Variants in GRID2 observed in about 807,000 individuals in gnomAD.
GRID2 encodes the protein glutamate ionotropic receptor delta type subunit 2.
In GRID2, 33 loss-of-function variants were observed where a neutral mutation model predicts 114.8. That is an observed-to-expected ratio of 0.29 (90% CI 0.22 to 0.38). The LOEUF (loss-of-function observed/expected upper bound fraction) is 0.38. Among genes scored for constraint, GRID2 ranks in the 10% least tolerant of loss-of-function variants. GRID2 has a pLI of 1.00. For synonymous variants in GRID2, 505 were observed against 449.9 expected (o/e 1.12, Z -1.55); for missense variants, 1,184 against 1,257.7 (o/e 0.94, Z 0.89).
At position 92,881,251 on chromosome 4, in the gene GRID2, A is replaced by G. The variant is rs1003991886; in HGVS notation, c.245-203744A>G. On this transcript the variant is annotated intron_variant, in intron 2 of 15. Coordinates refer to ENST00000282020, the MANE Select transcript of GRID2 (RefSeq NM_001510.4). ...ATACACTCACTCATTCACCAATTCAATGTTATAGTTCTCAGAGCTCGCCAC... is the reference window on the plus strand; with the variant it reads ...ATACACTCACTCATTCACCAATTCAGTGTTATAGTTCTCAGAGCTCGCCAC... 3.9e-5 allele frequency among the ~76,000 whole-genome samples: 6 copies of G among 152,222 alleles called. 1 individual carries two copies. Among genetic ancestry groups the G allele is most frequent in the Admixed American group, 6.5e-5 (1 of 15,276 alleles).
intron 8 of GRID2, among the ~76,000 whole-genome samples, chr4:93,293,223 T>C (rs1413862909): frequency 6.6e-6 from 1 of 152,062 alleles, no homozygotes; most frequent in East Asian, 1.9e-4. Context: ...AACACTGGAG[T>C]CACTAAGTCA....
At chr4:92,618,961 A>G (rs1730140174) in intron 2 of GRID2, among the ~76,000 whole-genome samples, 2 of 151,624 alleles carry the variant, frequency 1.3e-5, no homozygotes. Flanking sequence ...CTGTCTTCTG[A>G]GAGTGGGGAC....
intron 8 of GRID2, among the ~76,000 whole-genome samples, chr4:93,316,755 C>T (rs1045536030): frequency 6.6e-6 from 1 of 152,132 alleles, no homozygotes. Context: ...GAAAGGAGAG[C>T]AACAGTGGGC....
At chr4:93,224,840 G>A in intron 7 of GRID2, 65 bp downstream of exon 7, 1 of 1,152,494 alleles carries the variant, frequency 8.7e-7, no homozygotes, top group Non-Finnish European at 1.3e-6. Flanking sequence ...TTTAGAAAAA[G>A]GGTTTCCTCT....
intron 10 of GRID2, among the ~76,000 whole-genome samples, chr4:93,427,319 C>T (rs145848638): frequency 6.6e-6 from 1 of 151,914 alleles, no homozygotes; most frequent in East Asian, 1.9e-4. Flanking sequence ...GATGGAGCTC[C>T]AGAAAAGCAA....
chr4:92,831,488 A>G (rs1478775765), intron 2 of GRID2, among the ~76,000 whole-genome samples: 2 of 150,588 alleles, frequency 1.3e-5, no homozygotes, highest in Admixed American at 1.3e-4. Context: ...TCAAATGCCA[A>G]TTTCGTTTTT....
intron 13 of GRID2, among the ~76,000 whole-genome samples, chr4:93,575,582 G>A (rs957295079): frequency 6.6e-6 from 1 of 151,968 alleles, no homozygotes; most frequent in African/African-American, 2.4e-5. Context: ...TGCAAAATGA[G>A]GATAATAATG....
intron 8 of GRID2, among the ~76,000 whole-genome samples, chr4:93,262,296 G>A (rs1750343247): frequency 6.6e-6 from 1 of 151,770 alleles, no homozygotes; most frequent in Admixed American, 6.6e-5. Context: ...CCTCACATAG[G>A]ACTTCACTCT....
chr4:93,257,999 TACACAC>T (rs3970979), intron 8 of GRID2, among the ~76,000 whole-genome samples: 399 of 35,986 alleles, frequency 0.011, 4 homozygotes, highest in African/African-American at 0.034. Context: ...TATATATATA[TACACAC>T]ACACACACAC....
chr4:92,689,912 T>C (rs1315235142), intron 2 of GRID2, among the ~76,000 whole-genome samples: 1 of 152,150 alleles, frequency 6.6e-6, no homozygotes, highest in Non-Finnish European at 1.5e-5. Context: ...TTGAAGAGAG[T>C]TAGGGCCTTA....
intron 13 of GRID2, among the ~76,000 whole-genome samples, chr4:93,567,786 C>T (rs1356159498): frequency 1.3e-5 from 2 of 152,164 alleles, no homozygotes; most frequent in Non-Finnish European, 2.9e-5. Flanking sequence ...GGGTCACTGC[C>T]ATGCTCCCAG....
chr4:93,769,117 C>A, intron 14 of GRID2, 93 bp from the exon 15 acceptor site: 1 of 1,202,310 alleles, frequency 8.3e-7, no homozygotes, highest in Non-Finnish European at 1.2e-6. Flanking sequence ...TGACAGCCAC[C>A]ATCCTACAGA....
chr4:93,001,150 C>T (rs935934183), intron 2 of GRID2, among the ~76,000 whole-genome samples: 17 of 151,500 alleles, frequency 1.1e-4, no homozygotes, highest in African/African-American at 3.6e-4. Flanking sequence ...ACAATGATTA[C>T]AATTTTTCCT....
chr4:93,455,623 C>T, intron 10 of GRID2, 39 bp from the exon 11 acceptor site: 1 of 1,377,012 alleles, frequency 7.3e-7, no homozygotes, highest in African/African-American at 1.4e-5. Context: ...AATTGTTTTT[C>T]ACACTGTTAA....
At chr4:93,098,350 G>A (rs1227711997) in intron 3 of GRID2, among the ~76,000 whole-genome samples, 1 of 151,948 alleles carries the variant, frequency 6.6e-6, no homozygotes, top group African/African-American at 2.4e-5. Context: ...TTATGGTATT[G>A]AAAGAGGCTC....
chr4:93,066,765 A>C (rs1343461516), intron 2 of GRID2, among the ~76,000 whole-genome samples: 2 of 151,938 alleles, frequency 1.3e-5, no homozygotes, highest in African/African-American at 4.8e-5. Flanking sequence ...GAAGCACCTT[A>C]CAGTTTGTCT....
At chr4:93,336,859 G>C (rs1759143843) in intron 8 of GRID2, among the ~76,000 whole-genome samples, 1 of 151,320 alleles carries the variant, frequency 6.6e-6, no homozygotes, top group Admixed American at 6.6e-5. Flanking sequence ...TTCTTTGTTT[G>C]GTTCTTTATT....
At chr4:93,477,098 T>C (rs997054163) in intron 11 of GRID2, among the ~76,000 whole-genome samples, 1 of 152,020 alleles carries the variant, frequency 6.6e-6, no homozygotes, top group Non-Finnish European at 1.5e-5. Context: ...AGGGCCTTCA[T>C]GCTGCATCAT....
chr4:92,924,423 G>A (rs939602416), intron 2 of GRID2, among the ~76,000 whole-genome samples: 6 of 151,356 alleles, frequency 4.0e-5, no homozygotes, highest in Admixed American at 1.3e-4. Flanking sequence ...GAAATTATTC[G>A]GTCCTCTAAA....
Sources: allele counts gnomAD v4.1 joint callset (sites outside exome capture counted in the v4.1 genomes callset), GRCh38; gene constraint gnomAD v4.1.1; transcripts MANE v1.5; gene names NCBI Gene and HGNC (gene_info 2026-07-23, HGNC 2026-07-21).